The following ANXA11 variants were observed in gnomAD, a reference collection of about 807,000 sequenced individuals.
The protein encoded by ANXA11 is annexin A11.
ANXA11 carries 57 observed loss-of-function variants against 64.7 expected under a neutral mutation model. That is an observed-to-expected ratio of 0.88 (90% CI 0.71 to 1.10). The LOEUF is 1.10. Among genes scored for constraint, ANXA11 ranks in the 50% least tolerant of loss-of-function variants. The pLI is 0.00. For missense variants in ANXA11, 675 were observed against 670.7 expected (o/e 1.01, Z -0.07); for synonymous variants, 260 against 265.2 (o/e 0.98, Z 0.19).
At chr10:80,188,075 T>C (rs1564622700) in intron 1 of ANXA11, among the ~76,000 whole-genome samples, 1 of 152,022 alleles carries the variant, frequency 6.6e-6, no homozygotes, top group Non-Finnish European at 1.5e-5. Flanking sequence ...TCACTGACAT[T>C]GGCTTTCACA....
intron 1 of ANXA11, among the ~76,000 whole-genome samples, chr10:80,188,319 G>T (rs148429886): frequency 2.9e-4 from 44 of 151,818 alleles, no homozygotes; most frequent in African/African-American, 1.1e-3. Context: ...TGGTACACAG[G>T]GTTTGGAGTC....
chr10:80,184,142 C>T (rs1179020313), intron 1 of ANXA11, among the ~76,000 whole-genome samples: 1 of 152,196 alleles, frequency 6.6e-6, no homozygotes, highest in Non-Finnish European at 1.5e-5. Context: ...CGAACCCCAC[C>T]CACACCCCTG....
At chr10:80,165,142 G>C (rs1845672612) in intron 8 of ANXA11, among the ~76,000 whole-genome samples, 1 of 152,192 alleles carries the variant, frequency 6.6e-6, no homozygotes, top group Non-Finnish European at 1.5e-5. Flanking sequence ...CGCCCTGCCT[G>C]ATGGCCTCCT....
At chr10:80,180,800 A>G (rs1366099638) in intron 1 of ANXA11, 4 of 152,162 alleles carry the variant, frequency 2.6e-5, no homozygotes, top group Non-Finnish European at 5.9e-5. Context: ...TGTGCTGCAA[A>G]CTTAATGGTC....
chr10:80,161,024 C>T (rs191430483), intron 12 of ANXA11, among the ~76,000 whole-genome samples: 1,762 of 152,298 alleles, frequency 0.012, 42 homozygotes, highest in African/African-American at 0.04. Context: ...AGCAGCCTCC[C>T]GACAGGCTTC....
Position 80,183,261 on chromosome 10 carries a change from C to T in ANXA11, c.-57-7106G>A, listed in dbSNP as rs139606679. Among the ~76,000 whole-genome samples, 55 of 152,326 alleles carry T rather than the reference C, an allele frequency of 3.6e-4. 1 individual carries two copies. Among genetic ancestry groups the T allele is most frequent in the African/African-American group, 8.9e-4 (37 of 41,582 alleles). On this transcript the variant is annotated intron_variant, in intron 1 of 15. Transcript: ENST00000422982. The stretch of plus-strand genomic sequence containing the variant: ...TAAGACGAGGCAGAAACGTCTACTA[C>T]GGTAGTCCTGTTCCAAGGATCTCAG...
At chr10:80,156,263 G>A (rs991625591) in intron 15 of ANXA11, 5 of 397,232 alleles carry the variant, frequency 1.3e-5, no homozygotes, top group East Asian at 1.2e-4. Flanking sequence ...CCAATGTAAC[G>A]CAACACAGTG....
At chr10:80,161,635 CCAGGCTTTGGAAAA>C (rs1845509072) in intron 12 of ANXA11, among the ~76,000 whole-genome samples, 1 of 152,226 alleles carries the variant, frequency 6.6e-6, no homozygotes, top group African/African-American at 2.4e-5. Context: ...GTTTCTTATG[CCAGGCTTTGGAAAA>C]CACTGGATTG....
intron 11 of ANXA11, 138 bp downstream of exon 11, chr10:80,163,211 G>A (rs1845582781): frequency 1.1e-6 from 1 of 910,100 alleles, no homozygotes; most frequent in Non-Finnish European, 1.7e-6. Context: ...GAACAGTTCA[G>A]CGCGTCTGAA....
At chr10:80,186,795 C>A (rs1846557216) in intron 1 of ANXA11, among the ~76,000 whole-genome samples, 1 of 152,196 alleles carries the variant, frequency 6.6e-6, no homozygotes. Flanking sequence ...AGACCGAGAG[C>A]ACACAGCGTC....
intron 1 of ANXA11, among the ~76,000 whole-genome samples, chr10:80,183,706 C>A (rs1275773062): frequency 2.0e-5 from 3 of 152,232 alleles, no homozygotes; most frequent in Non-Finnish European, 4.4e-5. Flanking sequence ...CTGCCCTTGG[C>A]AACCTACTTG....
intron 11 of ANXA11, among the ~76,000 whole-genome samples, chr10:80,162,513 C>A (rs1845554361): frequency 6.6e-6 from 1 of 152,244 alleles, no homozygotes; most frequent in South Asian, 2.1e-4. Flanking sequence ...GAGTATAGGC[C>A]CTTGTCCGGG....
chr10:80,203,506 T>A (rs1218151895), intron 1 of ANXA11, among the ~76,000 whole-genome samples: 2 of 152,198 alleles, frequency 1.3e-5, no homozygotes, highest in African/African-American at 4.8e-5. Flanking sequence ...CACTTCCCTG[T>A]GCTGTCTCTG....
At chr10:80,164,176 CTTGT>C in intron 8 of ANXA11, 33 bp from the exon 9 acceptor site, 2 of 1,569,646 alleles carry the variant, frequency 1.3e-6, no homozygotes, top group Non-Finnish European at 1.8e-6. Context: ...CAACCATGTG[CTTGT>C]TCCAGCAGCC....
chr10:80,201,166 C>T (rs918957679), intron 1 of ANXA11, among the ~76,000 whole-genome samples: 1 of 152,170 alleles, frequency 6.6e-6, no homozygotes, highest in African/African-American at 2.4e-5. Flanking sequence ...CACATCATCC[C>T]ACCAAAGCAG....
At chr10:80,188,625 AC>A (rs1181336380) in intron 1 of ANXA11, among the ~76,000 whole-genome samples, 5 of 150,930 alleles carry the variant, frequency 3.3e-5, no homozygotes, top group African/African-American at 9.7e-5. Context: ...TTGCTGTGTG[AC>A]CCCCCTGGGC....
In ANXA11 at chr10:80,172,843, G is replaced by T. The variant is rs371457755; in HGVS notation, c.19C>A (p.Pro7Thr). 13 of 1,613,926 alleles carry T rather than the reference G, an allele frequency of 8.1e-6. No homozygotes were observed. The African/African-American group carries it at 1.6e-4, about 20-fold the overall frequency. ...GGTGGGTAGCCACCTGGGGGCGGGG[G>T]ATAGCCAGGGTAGCTCATGGTTAGA... Reference protein sequence around the residue: MSYPGYPPPPGGYPPAA... With the variant: MSYPGYTPPPGGYPPAA... Residue 7 changes from proline (P) to threonine (T), a missense_variant, in exon 3 of 16, where the codon CCC (proline) becomes ACC (threonine). Transcript: ENST00000422982.
At position 80,196,776 on chromosome 10, in the gene ANXA11, A is replaced by G. The variant is rs944283302; in HGVS notation, c.-58+8567T>C. ...CTACACAGGTGCTGTTAAGCATTCA[A>G]CTCCCCACCCACATGCCAGGAACTA... On this transcript the variant is annotated intron_variant, in intron 1 of 15. Coordinates refer to ENST00000422982, the MANE Select transcript of ANXA11 (RefSeq NM_145868.2). Among the ~76,000 whole-genome samples the G allele has an allele frequency of 2.0e-5, 3 of 151,972 alleles. No homozygotes were observed. The South Asian group carries it at 6.2e-4, about 32-fold the overall frequency.
At chr10:80,199,079 C>T (rs1459568346) in intron 1 of ANXA11, among the ~76,000 whole-genome samples, 2 of 151,558 alleles carry the variant, frequency 1.3e-5, no homozygotes, top group African/African-American at 4.9e-5. Flanking sequence ...TACGAAGATT[C>T]CATCTTCAAG....
Sources: gnomAD v4.1 joint callset for allele counts (sites outside exome capture counted in the v4.1 genomes callset) on GRCh38, gnomAD v4.1.1 for gene constraint, MANE v1.5 for transcripts, NCBI Gene and HGNC (gene_info 2026-07-23, HGNC 2026-07-21) for gene names.